CDH2: variants seen among roughly 807,000 people sequenced by gnomAD.
CDH2 encodes cadherin 2, also known as cadherin-2.
Under a neutral mutation model 92.0 loss-of-function variants are expected in CDH2, and 17 were observed. That is an observed-to-expected ratio of 0.18 (90% CI 0.13 to 0.28). The LOEUF is 0.28. Among genes scored for constraint, CDH2 ranks in the 10% least tolerant of loss-of-function variants. The pLI is 1.00. For missense variants in CDH2, 862 were observed against 1,133.1 expected, an observed-to-expected ratio of 0.76 and a Z score of 3.44; for synonymous variants, 419 against 415.9, an observed-to-expected ratio of 1.01 and a Z score of -0.09.
At chr18:28,029,448 T>C (rs543444546) in intron 2 of CDH2, among the ~76,000 whole-genome samples, 10 of 151,786 alleles carry the variant, frequency 6.6e-5, no homozygotes, top group Middle Eastern at 3.4e-3. Flanking sequence ...AATGCCATCA[T>C]TGGTTTTTTT....
chr18:28,015,967 C>T (rs534455600), intron 2 of CDH2, among the ~76,000 whole-genome samples: 5 of 152,298 alleles, frequency 3.3e-5, no homozygotes, highest in Middle Eastern at 3.4e-3. Flanking sequence ...TCCCCTACCT[C>T]GTGCTGCTCC....
intron 15 of CDH2, among the ~76,000 whole-genome samples, chr18:27,956,836 TAAC>T (rs1178695735): frequency 2.6e-5 from 4 of 152,030 alleles, no homozygotes. Context: ...TTTAAGAAAA[TAAC>T]AAGAAGTACA....
chr18:27,953,844 A>AGCCACATTCATTCATG (rs1909583315), intron 15 of CDH2, among the ~76,000 whole-genome samples: 1 of 152,204 alleles, frequency 6.6e-6, no homozygotes, highest in African/African-American at 2.4e-5. Context: ...GCACATGTAG[A>AGCCACATTCATTCATG]GCTCAATGAA....
intron 1 of CDH2, among the ~76,000 whole-genome samples, chr18:28,173,722 A>G (rs1311365878): frequency 6.6e-6 from 1 of 152,168 alleles, no homozygotes; most frequent in East Asian, 1.9e-4. Flanking sequence ...TTTAAATTAG[A>G]ACAATGGGGT....
intron 2 of CDH2, among the ~76,000 whole-genome samples, chr18:28,040,127 T>C (rs1262421267): frequency 6.6e-6 from 1 of 152,212 alleles, no homozygotes; most frequent in Non-Finnish European, 1.5e-5. Context: ...TGAAAGTTGA[T>C]TGAGCATTTG....
chr18:28,134,597 CA>C (rs1568011799), intron 2 of CDH2, among the ~76,000 whole-genome samples: 1 of 151,456 alleles, frequency 6.6e-6, no homozygotes, highest in Non-Finnish European at 1.5e-5. Flanking sequence ...GTAGTCCCAG[CA>C]AACTTGGGAG....
intron 2 of CDH2, among the ~76,000 whole-genome samples, chr18:28,049,292 A>G (rs940733126): frequency 2.0e-5 from 3 of 152,220 alleles, no homozygotes; most frequent in Non-Finnish European, 4.4e-5. Context: ...GAAACGTGCT[A>G]TGGGCATGTA....
intron 15 of CDH2, chr18:27,959,603 T>C (rs1348088720): frequency 1.3e-5 from 2 of 152,252 alleles, no homozygotes; most frequent in South Asian, 2.1e-4. Context: ...TTAACAGTTA[T>C]CTTGGATGAA....
At chr18:28,168,889 C>A (rs1248724766) in intron 1 of CDH2, among the ~76,000 whole-genome samples, 1 of 151,960 alleles carries the variant, frequency 6.6e-6, no homozygotes, top group Non-Finnish European at 1.5e-5. Flanking sequence ...GGGTATTATA[C>A]AAAAAGGGCT....
chr18:28,067,800 G>C (rs767876991), intron 2 of CDH2, among the ~76,000 whole-genome samples: 1 of 152,022 alleles, frequency 6.6e-6, no homozygotes, highest in South Asian at 2.1e-4. Context: ...CAAAAGTATT[G>C]AATGTCCCTT....
intron 2 of CDH2, among the ~76,000 whole-genome samples, chr18:28,033,974 C>T (rs1239046544): frequency 1.3e-5 from 2 of 152,050 alleles, no homozygotes; most frequent in African/African-American, 4.8e-5. Flanking sequence ...TCATTTTATA[C>T]TCAATTGAGC....
At chr18:27,982,099 C>G (rs980506156) in intron 14 of CDH2, among the ~76,000 whole-genome samples, 1 of 152,126 alleles carries the variant, frequency 6.6e-6, no homozygotes, top group African/African-American at 2.4e-5. Flanking sequence ...TTTTATACCA[C>G]AAAAGTGGAG....
chr18:28,016,327 A>G (rs989806172), intron 2 of CDH2, among the ~76,000 whole-genome samples: 1 of 152,222 alleles, frequency 6.6e-6, no homozygotes, highest in Non-Finnish European at 1.5e-5. Context: ...CAGGAACAGT[A>G]TAAGTGCTCA....
intron 2 of CDH2, among the ~76,000 whole-genome samples, chr18:28,065,232 A>G (rs1027766169): frequency 5.3e-5 from 8 of 152,130 alleles, no homozygotes; most frequent in African/African-American, 1.9e-4. Context: ...TTGACATTTC[A>G]TTGTTAAGAG....
intron 14 of CDH2, among the ~76,000 whole-genome samples, chr18:27,977,940 C>T (rs1410905237): frequency 6.6e-6 from 1 of 152,148 alleles, no homozygotes; most frequent in Non-Finnish European, 1.5e-5. Context: ...GTCCCATTTC[C>T]AAGGCCTATT....
chr18:28,158,714 T>A (rs927348427), intron 1 of CDH2, among the ~76,000 whole-genome samples: 1 of 152,230 alleles, frequency 6.6e-6, no homozygotes, highest in African/African-American at 2.4e-5. Context: ...TTTGCCCTTT[T>A]CACTCTCATT....
chr18:28,144,341 A>G (rs2016001444), intron 2 of CDH2, among the ~76,000 whole-genome samples: 1 of 149,998 alleles, frequency 6.7e-6, no homozygotes, highest in Non-Finnish European at 1.5e-5. Context: ...AAAGGCAAAC[A>G]TATATATGCC....
At chr18:28,008,406 A>G (rs890510564) in intron 5 of CDH2, among the ~76,000 whole-genome samples, 17 of 152,202 alleles carry the variant, frequency 1.1e-4, no homozygotes, top group African/African-American at 3.9e-4. Context: ...GTCTTTGGGA[A>G]GAGAAAGTAT....
At chr18:28,049,860 A>G (rs1156674436) in intron 2 of CDH2, among the ~76,000 whole-genome samples, 1 of 152,216 alleles carries the variant, frequency 6.6e-6, no homozygotes. Context: ...TACTGCCACT[A>G]TTGGCAGAAT....
Sources: allele counts gnomAD v4.1 joint callset (sites outside exome capture counted in the v4.1 genomes callset), GRCh38; gene constraint gnomAD v4.1.1; transcripts MANE v1.5; gene names NCBI Gene and HGNC (gene_info 2026-07-23, HGNC 2026-07-21).